Variants in OR7E24 observed in about 807,000 individuals in gnomAD.
OR7E24 encodes olfactory receptor family 7 subfamily E member 24.
For synonymous variants in OR7E24, 130 were observed against 157.5 expected, an observed-to-expected ratio of 0.83 and a Z score of 1.31; for missense variants, 385 against 410.3, an observed-to-expected ratio of 0.94 and a Z score of 0.53.
At position 9,251,273 on chromosome 19, in the gene OR7E24, T is replaced by G. The variant is rs756177167; in HGVS notation, c.230T>G (p.Met77Arg). The change falls in exon 1 of 1, where the codon ATG (methionine) becomes AGG (arginine). Residue 77 changes from methionine (M) to arginine (R), a missense_variant. By Grantham distance (91) the Met-to-Arg change is moderately conservative (BLOSUM62 -1). Coordinates refer to ENST00000456448, the MANE Select transcript of OR7E24 (RefSeq NM_001079935.2). Reference sequence around the variant, plus strand: ...TCTGACTCCCACCTCCACACCCCCATGTACTTCTTCCTCTCCAACCTGTCC... The same window carrying G: ...TCTGACTCCCACCTCCACACCCCCAGGTACTTCTTCCTCTCCAACCTGTCC... ...VSSDSHLHTP[M>R]YFFLSNLSLA... 15 of 1,613,950 alleles carry G rather than the reference T, an allele frequency of 9.3e-6. No individual in the cohort carries two copies. Among genetic ancestry groups the G allele is most frequent in the South Asian group, 2.2e-5 (2 of 91,088 alleles).
chr19:9,223,868 T>C, the OR7E24 span, among the ~76,000 whole-genome samples: 1 of 151,908 alleles, frequency 6.6e-6, no homozygotes, highest in Admixed American at 6.6e-5. Flanking sequence ...GCTTTTTTTT[T>C]CAGACTGAAT....
chr19:9,249,637 C>T (rs1186302144), upstream of OR7E24, among the ~76,000 whole-genome samples: 5 of 152,072 alleles, frequency 3.3e-5, no homozygotes, highest in Non-Finnish European at 1.5e-5. Flanking sequence ...CCAGCCACAA[C>T]GAAAGTAATG....
chr19:9,223,991 C>T, the OR7E24 span, among the ~76,000 whole-genome samples: 2 of 151,966 alleles, frequency 1.3e-5, no homozygotes, highest in Admixed American at 1.3e-4. Flanking sequence ...GCTGGGATAA[C>T]AGGTGTGTGC....
the OR7E24 span, among the ~76,000 whole-genome samples, chr19:9,215,923 G>T: frequency 1.3e-5 from 2 of 152,128 alleles, no homozygotes; most frequent in Non-Finnish European, 2.9e-5. Flanking sequence ...ACAACAGAAA[G>T]ATGTTTAATG....
the OR7E24 span, among the ~76,000 whole-genome samples, chr19:9,229,634 G>A: frequency 6.6e-6 from 1 of 152,118 alleles, no homozygotes; most frequent in Admixed American, 6.5e-5. Flanking sequence ...GTTTCTCCTT[G>A]GAGAAAATAA....
chr19:9,230,600 G>T, the OR7E24 span, among the ~76,000 whole-genome samples: 1 of 152,014 alleles, frequency 6.6e-6, no homozygotes, highest in Non-Finnish European at 1.5e-5. Flanking sequence ...TCTGTCCTAC[G>T]CAAGGTATTG....
At chr19:9,231,449 G>C in the OR7E24 span, among the ~76,000 whole-genome samples, 1 of 152,160 alleles carries the variant, frequency 6.6e-6, no homozygotes, top group Admixed American at 6.5e-5. Flanking sequence ...GCATGGTGGC[G>C]CATGCCTGTA....
chr19:9,244,611 G>A (rs530144962), upstream of OR7E24, among the ~76,000 whole-genome samples: 37 of 152,234 alleles, frequency 2.4e-4, no homozygotes, highest in African/African-American at 8.7e-4. Flanking sequence ...AGAAAACATT[G>A]ATCAATACCT....
chr19:9,212,668 A>G, the OR7E24 span: 7 of 152,170 alleles, frequency 4.6e-5, no homozygotes, highest in South Asian at 2.1e-4. Flanking sequence ...TGGCCAGTAT[A>G]TTACTAGGAA....
upstream of OR7E24, among the ~76,000 whole-genome samples, chr19:9,244,993 C>CA (rs753003758): frequency 6.6e-4 from 101 of 152,216 alleles, no homozygotes; most frequent in Middle Eastern, 3.4e-3. Context: ...CACCTGAGGT[C>CA]AGGAGTTCAA....
the OR7E24 span, among the ~76,000 whole-genome samples, chr19:9,229,217 G>GT: frequency 6.6e-6 from 1 of 152,154 alleles, no homozygotes; most frequent in African/African-American, 2.4e-5. Context: ...AGATTGCTGA[G>GT]TTTTGGTTCC....
chr19:9,249,503 ATTAC>A (rs758416446), upstream of OR7E24, among the ~76,000 whole-genome samples: 1 of 152,336 alleles, frequency 6.6e-6, no homozygotes, highest in Non-Finnish European at 1.5e-5. Context: ...ACAACATTCA[ATTAC>A]TTAAAGACCA....
chr19:9,226,062 GTCAATTAC>G, the OR7E24 span, among the ~76,000 whole-genome samples: 83 of 152,326 alleles, frequency 5.4e-4, no homozygotes, highest in African/African-American at 1.9e-3. Flanking sequence ...GATGACCTGG[GTCAATTAC>G]TCCTGCCAGG....
chr19:9,216,220 C>A, the OR7E24 span, among the ~76,000 whole-genome samples: 1 of 152,212 alleles, frequency 6.6e-6, no homozygotes, highest in South Asian at 2.1e-4. Context: ...ATCATGAACT[C>A]CTGCCTCTGT....
At chr19:9,207,183 G>A in the OR7E24 span, 3 of 152,202 alleles carry the variant, frequency 2.0e-5, no homozygotes, top group Admixed American at 2.0e-4. Context: ...TATACGTATA[G>A]ATTTTCTTCG....
At chr19:9,209,440 A>C in the OR7E24 span, 1 of 152,154 alleles carries the variant, frequency 6.6e-6, no homozygotes, top group African/African-American at 2.4e-5. Flanking sequence ...AGGGCCTGGC[A>C]TGGTGGCTCA....
At chr19:9,239,715 T>TA in the OR7E24 span, among the ~76,000 whole-genome samples, 1 of 146,270 alleles carries the variant, frequency 6.8e-6, no homozygotes, top group African/African-American at 2.5e-5. Flanking sequence ...TTCTTTTTTT[T>TA]TTTTTTTTTT....
At chr19:9,221,585 C>T in the OR7E24 span, among the ~76,000 whole-genome samples, 2 of 151,584 alleles carry the variant, frequency 1.3e-5, no homozygotes, top group African/African-American at 4.8e-5. Context: ...TCTCCTGACC[C>T]CGTGATCCGC....
chr19:9,214,786 A>G, the OR7E24 span: 1 of 1,613,640 alleles, frequency 6.2e-7, no homozygotes, highest in Non-Finnish European at 8.5e-7. Flanking sequence ...GGATCATCTG[A>G]GAGTCCCAGG....
Sources: allele counts gnomAD v4.1 joint callset (sites outside exome capture counted in the v4.1 genomes callset), GRCh38; gene constraint gnomAD v4.1.1; transcripts MANE v1.5; gene names NCBI Gene and HGNC (gene_info 2026-07-23, HGNC 2026-07-21).